The following TMTC1 variants were observed in gnomAD, a reference collection of about 807,000 sequenced individuals.
TMTC1 encodes the protein transmembrane O-mannosyltransferase targeting cadherins 1, also known as protein O-mannosyl-transferase TMTC1.
Under a neutral mutation model 104.8 loss-of-function variants are expected in TMTC1, and 73 were observed. The observed-to-expected ratio is 0.70, with a 90% CI of 0.58 to 0.85. TMTC1 has a LOEUF of 0.85. Among genes scored for constraint, TMTC1 ranks in the 40% least tolerant of loss-of-function variants. The pLI, the probability that TMTC1 is intolerant of heterozygous loss-of-function variation, is 0.00. For synonymous variants in TMTC1, 434 were observed against 428.7 expected (o/e 1.01, Z -0.15); for missense variants, 1,035 against 1,096.1 (o/e 0.94, Z 0.79).
At chr12:29,587,032 CT>C (rs1946155455) in intron 7 of TMTC1, among the ~76,000 whole-genome samples, 1 of 152,106 alleles carries the variant, frequency 6.6e-6, no homozygotes, top group East Asian at 1.9e-4. Flanking sequence ...CCTTGTAACT[CT>C]GGTAGAATTC....
At chr12:29,758,290 G>A (rs1385098894) in intron 3 of TMTC1, among the ~76,000 whole-genome samples, 1 of 152,214 alleles carries the variant, frequency 6.6e-6, no homozygotes, top group Non-Finnish European at 1.5e-5. Context: ...TAAGCTCTGA[G>A]TTACTTTGGT....
intron 1 of TMTC1, among the ~76,000 whole-genome samples, chr12:29,781,553 AC>A (rs1408279956): frequency 1.3e-5 from 2 of 152,212 alleles, no homozygotes; most frequent in Non-Finnish European, 2.9e-5. Flanking sequence ...TAGGTGAGGT[AC>A]AGTAGCTCAT....
At chr12:29,730,303 T>C (rs1426372539) in intron 5 of TMTC1, among the ~76,000 whole-genome samples, 1 of 152,228 alleles carries the variant, frequency 6.6e-6, no homozygotes, top group Non-Finnish European at 1.5e-5. Flanking sequence ...CAGGTGAATA[T>C]TCATGCTTGT....
At chr12:29,706,019 T>C (rs1232058526) in intron 5 of TMTC1, among the ~76,000 whole-genome samples, 1 of 152,214 alleles carries the variant, frequency 6.6e-6, no homozygotes, top group Non-Finnish European at 1.5e-5. Flanking sequence ...TCTTATCCCA[T>C]CTTCACTAGT....
At chr12:29,709,933 G>A (rs925328328) in intron 5 of TMTC1, among the ~76,000 whole-genome samples, 4 of 152,118 alleles carry the variant, frequency 2.6e-5, no homozygotes, top group Non-Finnish European at 5.9e-5. Flanking sequence ...CGCAGAACAT[G>A]AGTCTCACCA....
chr12:29,569,852 G>A (rs1219840848), intron 9 of TMTC1, among the ~76,000 whole-genome samples: 2 of 152,244 alleles, frequency 1.3e-5, no homozygotes, highest in East Asian at 3.9e-4. Context: ...TTTTCCCCAT[G>A]TCTCAAGGGA....
intron 11 of TMTC1, 30 bp downstream of exon 11, chr12:29,536,179 T>G (rs765364688): frequency 2.2e-6 from 3 of 1,383,062 alleles, no homozygotes; most frequent in Non-Finnish European, 3.1e-6. Context: ...AACAATAACA[T>G]TGAAAAAAAC....
intron 5 of TMTC1, chr12:29,660,058 C>G (rs1939944441): frequency 8.5e-7 from 1 of 1,177,384 alleles, no homozygotes; most frequent in Admixed American, 2.2e-5. Context: ...TTCTGTTCCT[C>G]TAACAGGGAA....
At chr12:29,531,598 G>T (rs541002641) in intron 11 of TMTC1, among the ~76,000 whole-genome samples, 2 of 152,204 alleles carry the variant, frequency 1.3e-5, no homozygotes, top group East Asian at 1.9e-4. Flanking sequence ...AAAAATGATT[G>T]TGGGCTTATA....
chr12:29,667,468 G>A (rs955865480), intron 5 of TMTC1, among the ~76,000 whole-genome samples: 7 of 152,058 alleles, frequency 4.6e-5, no homozygotes, highest in South Asian at 2.1e-4. Flanking sequence ...TATATTAAAC[G>A]GTGAAAATGA....
chr12:29,770,550 G>A (rs766750579), intron 1 of TMTC1, among the ~76,000 whole-genome samples: 4 of 152,092 alleles, frequency 2.6e-5, no homozygotes, highest in Non-Finnish European at 4.4e-5. Context: ...GCTTAAAAAC[G>A]TACACACAAG....
intron 5 of TMTC1, among the ~76,000 whole-genome samples, chr12:29,655,592 T>C (rs1939718226): frequency 1.3e-5 from 2 of 152,212 alleles, no homozygotes; most frequent in African/African-American, 4.8e-5. Flanking sequence ...ATAATCATCT[T>C]TTGTTTTGTT....
chr12:29,638,936 A>C (rs1229940750), intron 5 of TMTC1, among the ~76,000 whole-genome samples: 1 of 152,188 alleles, frequency 6.6e-6, no homozygotes. Context: ...ACTGGGCCCC[A>C]GCCATGACAG....
intron 1 of TMTC1, among the ~76,000 whole-genome samples, chr12:29,780,338 A>G (rs1435777145): frequency 6.6e-6 from 1 of 152,266 alleles, no homozygotes; most frequent in Non-Finnish European, 1.5e-5. Flanking sequence ...CTATGGATAC[A>G]TGCAACAGCC....
chr12:29,646,305 C>T (rs1477608455), intron 5 of TMTC1, among the ~76,000 whole-genome samples: 2 of 152,180 alleles, frequency 1.3e-5, no homozygotes, highest in African/African-American at 4.8e-5. Context: ...TTTGTTAGAG[C>T]ATCAAGAAGT....
intron 5 of TMTC1, among the ~76,000 whole-genome samples, chr12:29,716,216 A>G (rs2136862918): frequency 6.6e-6 from 1 of 152,034 alleles, no homozygotes; most frequent in East Asian, 1.9e-4. Context: ...GAGATAGAAT[A>G]TTGCTATGTT....
intron 5 of TMTC1, among the ~76,000 whole-genome samples, chr12:29,659,012 G>A (rs1285581887): frequency 6.6e-6 from 1 of 152,164 alleles, no homozygotes; most frequent in Non-Finnish European, 1.5e-5. Flanking sequence ...ATTACTTCTT[G>A]ACCCAAATCC....
intron 5 of TMTC1, chr12:29,666,102 C>T (rs1346754043): frequency 5.0e-6 from 2 of 397,884 alleles, no homozygotes; most frequent in African/African-American, 2.2e-5. Context: ...GTTTTCCTTA[C>T]AGTGCTTTAA....
intron 5 of TMTC1, among the ~76,000 whole-genome samples, chr12:29,700,482 G>A (rs1258153555): frequency 2.0e-5 from 3 of 151,990 alleles, no homozygotes; most frequent in Non-Finnish European, 4.4e-5. Flanking sequence ...TTATAGGCAT[G>A]AGCCACCGCA....
Sources: gnomAD v4.1 joint callset for allele counts (sites outside exome capture counted in the v4.1 genomes callset) on GRCh38, gnomAD v4.1.1 for gene constraint, MANE v1.5 for transcripts, NCBI Gene and HGNC (gene_info 2026-07-23, HGNC 2026-07-21) for gene names.